TRPC5: variants seen among roughly 807,000 people sequenced by gnomAD.
TRPC5 encodes the protein short transient receptor potential channel 5.
A neutral mutation model predicts 56.5 loss-of-function variants in TRPC5; 9 were observed. That is an observed-to-expected ratio of 0.16 (90% confidence interval 0.10 to 0.28). The LOEUF (loss-of-function observed/expected upper bound fraction) is 0.28. TRPC5 is among the 10% of genes least tolerant of loss of function. The probability of loss-of-function intolerance (pLI) is 1.00; values close to 1 mark genes in which losing one functional copy is unlikely to be tolerated. For synonymous variants in TRPC5, 282 were observed against 278.5 expected (o/e 1.01, Z -0.13); for missense variants, 469 against 748.9 (o/e 0.63, Z 4.36).
intron 1 of TRPC5, among the ~76,000 whole-genome samples, chrX:111,989,875 C>T (rs1429893109): frequency 9.0e-6 from 1 of 111,717 alleles, no homozygotes; most frequent in Non-Finnish European, 1.9e-5. Flanking sequence ...CATATTTTCA[C>T]ATATGTAGAA....
intron 7 of TRPC5, among the ~76,000 whole-genome samples, chrX:111,811,620 C>T (rs1459576148): frequency 9.0e-6 from 1 of 111,302 alleles, no homozygotes; most frequent in Non-Finnish European, 1.9e-5. Context: ...CAACACAGAA[C>T]GGTTTGGAAT....
intron 7 of TRPC5, among the ~76,000 whole-genome samples, chrX:111,825,200 TTTCTTTCTTTCTTTCTTTC>T (rs1266279638): frequency 3.2e-4 from 28 of 88,674 alleles, no homozygotes; most frequent in Non-Finnish European, 4.1e-4. Context: ...TCTTTCTTTC[TTTCTTTCTTTCTTTCTTTC>T]TTCTTTCTTT....
intron 1 of TRPC5, among the ~76,000 whole-genome samples, chrX:112,072,500 A>G (rs1281825301): frequency 9.0e-5 from 10 of 111,728 alleles, no homozygotes; most frequent in Non-Finnish European, 1.9e-4. Context: ...TGGATGTCAC[A>G]CTGGCACCTT....
chrX:111,943,077 T>C (rs1926824586), intron 2 of TRPC5, among the ~76,000 whole-genome samples: 1 of 111,689 alleles, frequency 9.0e-6, no homozygotes, highest in African/African-American at 3.3e-5. Context: ...AATATGCATG[T>C]ATTATTTCAT....
chrX:111,939,419 A>G (rs1008326695), intron 2 of TRPC5, among the ~76,000 whole-genome samples: 14 of 111,358 alleles, frequency 1.3e-4, no homozygotes, highest in Admixed American at 1.2e-3. Flanking sequence ...CTTAGAATGA[A>G]TTAGAAATAT....
chrX:112,058,979 A>G (rs1930401192), intron 1 of TRPC5, among the ~76,000 whole-genome samples: 1 of 111,524 alleles, frequency 9.0e-6, no homozygotes, highest in Non-Finnish European at 1.9e-5. Context: ...AGAAGAACCC[A>G]GACAGACTGG....
chrX:111,928,709 A>G (rs898852542), intron 2 of TRPC5, among the ~76,000 whole-genome samples: 1 of 111,961 alleles, frequency 8.9e-6, no homozygotes, highest in Admixed American at 9.5e-5. Context: ...GTATGCTCTT[A>G]GGCTAGGGGT....
At chrX:111,805,246 G>A (rs1225285625) in intron 7 of TRPC5, among the ~76,000 whole-genome samples, 4 of 111,795 alleles carry the variant, frequency 3.6e-5, no homozygotes, top group African/African-American at 1.3e-4. Context: ...TGCTGGATTT[G>A]GTTTGCCAGT....
At chrX:112,055,538 C>A (rs1435908125) in intron 1 of TRPC5, among the ~76,000 whole-genome samples, 2 of 110,333 alleles carry the variant, frequency 1.8e-5, no homozygotes, top group Non-Finnish European at 3.8e-5. Flanking sequence ...AAGAACATTT[C>A]TCTCTCTAAA....
At chrX:111,898,664 A>G (rs772642238) in intron 3 of TRPC5, among the ~76,000 whole-genome samples, 2 of 110,740 alleles carry the variant, frequency 1.8e-5, no homozygotes, top group South Asian at 7.7e-4. Context: ...ATTTTAGTCT[A>G]TATGTATGTG....
intron 7 of TRPC5, among the ~76,000 whole-genome samples, chrX:111,800,778 T>C (rs1305785073): frequency 9.0e-6 from 1 of 110,598 alleles, no homozygotes; most frequent in Non-Finnish European, 1.9e-5. Flanking sequence ...CAGTATATAA[T>C]ATGTATAACA....
intron 1 of TRPC5, among the ~76,000 whole-genome samples, chrX:111,957,882 A>G (rs1927278018): frequency 8.9e-6 from 1 of 111,971 alleles, no homozygotes; most frequent in South Asian, 3.8e-4. Context: ...ATTCTAATTG[A>G]TAGTATGGAT....
At chrX:112,079,953 C>T (rs1031065177) in intron 1 of TRPC5, among the ~76,000 whole-genome samples, 6 of 111,784 alleles carry the variant, frequency 5.4e-5, no homozygotes, top group Non-Finnish European at 1.1e-4. Flanking sequence ...AGGCTTCATT[C>T]GTGCTGATAT....
chrX:111,995,333 TA>T (rs1316712471), intron 1 of TRPC5, among the ~76,000 whole-genome samples: 1 of 112,044 alleles, frequency 8.9e-6, no homozygotes, highest in Non-Finnish European at 1.9e-5. Flanking sequence ...TTTTGGTAGA[TA>T]AGCTTTTTGA....
intron 1 of TRPC5, among the ~76,000 whole-genome samples, chrX:111,979,399 A>G (rs900169464): frequency 1.8e-5 from 2 of 111,389 alleles, no homozygotes; most frequent in Non-Finnish European, 3.8e-5. Flanking sequence ...AATCTTTGTG[A>G]CCACGAGCTA....
At chrX:111,881,476 C>G (rs778214879) in intron 3 of TRPC5, among the ~76,000 whole-genome samples, 2 of 111,363 alleles carry the variant, frequency 1.8e-5, no homozygotes, top group African/African-American at 6.5e-5. Context: ...GGGCCTGGCC[C>G]GCTATGTTTT....
intron 3 of TRPC5, among the ~76,000 whole-genome samples, chrX:111,861,517 C>T (rs1314539271): frequency 9.0e-6 from 1 of 111,611 alleles, no homozygotes; most frequent in Non-Finnish European, 1.9e-5. Flanking sequence ...TTTTTATACA[C>T]CTTGCATGCA....
chrX:111,771,487 G>A lies in TRPC5; in HGVS notation c.*4826C>T, dbSNP rs1347111211. On this transcript the variant is annotated 3_prime_UTR_variant, in exon 11 of 11. Coordinates refer to ENST00000262839, the MANE Select transcript of TRPC5 (RefSeq NM_012471.3). ...ACAAATACTGAGCCTAAAGATGCTA[G>A]AGCACACTGGCTTGCTGCCTCTATC... is the stretch of plus-strand genomic sequence containing the variant. Among the ~76,000 whole-genome samples the A allele has an allele frequency of 1.8e-5, 2 of 111,453 alleles. No individual in the cohort carries two copies. The highest frequency in any genetic ancestry group is 5.7e-4 in the East Asian group (2 of 3,536).
At position 112,068,182 on chromosome X, in the gene TRPC5, G is replaced by A. The variant is rs911946779; in HGVS notation, c.-22+13697C>T. The stretch of plus-strand genomic sequence containing the variant: ...GCTGCTTTTGCAACCTACTCTTTAT[G>A]TGCCCCTCTCTCCATTTATAATATC... On this transcript the variant is annotated intron_variant, in intron 1 of 10. Transcript: ENST00000262839. Among the ~76,000 whole-genome samples, 23 of 112,111 alleles carry A rather than the reference G, an allele frequency of 2.1e-4. No individual in the cohort carries two copies. The Admixed American group carries it at 2.2e-3, about 11-fold the overall frequency.
Sources: gnomAD v4.1 joint callset for allele counts (sites outside exome capture counted in the v4.1 genomes callset) on GRCh38, gnomAD v4.1.1 for gene constraint, MANE v1.5 for transcripts, NCBI Gene and HGNC (gene_info 2026-07-23, HGNC 2026-07-21) for gene names.